The following RNF220 variants were observed in gnomAD, a reference collection of about 807,000 sequenced individuals.
RNF220 encodes the protein E3 ubiquitin-protein ligase RNF220.
Under a neutral mutation model 67.1 loss-of-function variants are expected in RNF220, and 7 were observed. The ratio of observed to expected loss-of-function variants is 0.10; its 90% CI spans 0.06 to 0.20. The LOEUF (loss-of-function observed/expected upper bound fraction) is 0.20. Among genes scored for constraint, RNF220 ranks in the 10% least tolerant of loss-of-function variants. The pLI, the probability that RNF220 is intolerant of heterozygous loss-of-function variation, is 1.00. For synonymous variants in RNF220, 270 were observed against 283.2 expected (o/e 0.95, Z 0.47); for missense variants, 565 against 740.3 (o/e 0.76, Z 2.75).
intron 2 of RNF220, 147 bp from the exon 3 acceptor site, chr1:44,614,018 T>C: frequency 1.1e-6 from 1 of 928,666 alleles, no homozygotes; most frequent in Non-Finnish European, 1.6e-6. Flanking sequence ...GGAGGGGTGC[T>C]CGTGGGCTCT....
chr1:44,449,108 CA>C (rs1320371603), intron 2 of RNF220, among the ~76,000 whole-genome samples: 1 of 152,202 alleles, frequency 6.6e-6, no homozygotes, highest in African/African-American at 2.4e-5. Context: ...AGCATAACCT[CA>C]AAGTTAGGAG....
chr1:44,441,649 A>C lies in RNF220; in HGVS notation c.625+28927A>C, dbSNP rs1381304527. ...AAGAAACATTTGTGGAGAACTGGGG[A>C]GGAAAGAATTGAGGAGCAGCTGGAA... On this transcript the variant is annotated intron_variant, in intron 2 of 14. Transcript: ENST00000361799. 2.0e-5 allele frequency among the ~76,000 whole-genome samples: 3 copies of C among 152,308 alleles called. No homozygotes were observed. The South Asian group carries it at 6.2e-4, about 32-fold the overall frequency.
chr1:44,625,792 G>T (rs1324421853), intron 4 of RNF220, among the ~76,000 whole-genome samples: 2 of 151,928 alleles, frequency 1.3e-5, no homozygotes, highest in Non-Finnish European at 2.9e-5. Context: ...TGGGGTTTTT[G>T]CTGGGGTCAT....
chr1:44,494,637 C>T (rs538211218), intron 2 of RNF220, among the ~76,000 whole-genome samples: 1 of 151,922 alleles, frequency 6.6e-6, no homozygotes, highest in East Asian at 1.9e-4. Flanking sequence ...TAATATGCCT[C>T]CATTTGTGGA....
At chr1:44,442,833 TAAAC>T (rs1285500547) in intron 2 of RNF220, among the ~76,000 whole-genome samples, 1 of 152,116 alleles carries the variant, frequency 6.6e-6, no homozygotes, top group African/African-American at 2.4e-5. Flanking sequence ...TCTTTAAAAA[TAAAC>T]AAAGCCAGAA....
chr1:44,405,432 G>T lies in RNF220; in HGVS notation c.-216G>T. The T allele has an allele frequency of 1.6e-6, 1 of 626,842 alleles. No homozygotes were observed. The highest frequency in any genetic ancestry group is 3.4e-4 in the Middle Eastern group (1 of 2,964). The allele number at this position is 626,842 out of a possible 1,614,324, so 38.8% of individuals were successfully genotyped here. ...GCCGCCGCCGCCGCTGCCTCCGCCG[G>T]CTCTGCGAACCCGGGACTTTTCATG... On this transcript the variant is annotated 5_prime_UTR_variant, in exon 1 of 15. Coordinates refer to ENST00000361799, the MANE Select transcript of RNF220 (RefSeq NM_018150.4).
At chr1:44,477,996 T>C (rs1295230114) in intron 2 of RNF220, among the ~76,000 whole-genome samples, 1 of 152,224 alleles carries the variant, frequency 6.6e-6, no homozygotes, top group Non-Finnish European at 1.5e-5. Context: ...ATTTATTTAT[T>C]GAGACAGGGT....
At chr1:44,505,413 C>T (rs1056305161) in intron 2 of RNF220, among the ~76,000 whole-genome samples, 2 of 152,346 alleles carry the variant, frequency 1.3e-5, no homozygotes, top group Admixed American at 6.5e-5. Context: ...ACGTGGGCTC[C>T]TGAGGGAGAA....
Position 44,586,879 on chromosome 1 carries a change from C to T in RNF220, c.626-27286C>T, listed in dbSNP as rs80184785. On this transcript the variant is annotated intron_variant, in intron 2 of 14. Coordinates refer to ENST00000361799, the MANE Select transcript of RNF220 (RefSeq NM_018150.4). ...GGGAAGATGGAAAATCAAGTGGAGG[C>T]AATGGATATTAAGCTGAAGAGAGAA... Among the ~76,000 whole-genome samples the T allele has an allele frequency of 1.2e-3, 185 of 152,188 alleles. 1 individual carries two copies. The East Asian group carries it at 0.028, about 23-fold the overall frequency.
At chr1:44,564,580 A>C (rs1663836113) in intron 2 of RNF220, among the ~76,000 whole-genome samples, 1 of 151,576 alleles carries the variant, frequency 6.6e-6, no homozygotes, top group Non-Finnish European at 1.5e-5. Flanking sequence ...TGGTGAAAAA[A>C]CCCATCTCTA....
chr1:44,558,977 A>G (rs887409519), intron 2 of RNF220, among the ~76,000 whole-genome samples: 4 of 152,192 alleles, frequency 2.6e-5, no homozygotes, highest in African/African-American at 9.6e-5. Context: ...TGTTTAGGCA[A>G]TTGTTTGTGT....
intron 8 of RNF220, among the ~76,000 whole-genome samples, chr1:44,638,684 T>C (rs1573160338): frequency 6.6e-6 from 1 of 152,058 alleles, no homozygotes; most frequent in African/African-American, 2.4e-5. Context: ...GTGGAGACAC[T>C]TGGCTGAGGG....
At chr1:44,507,347 G>C (rs1658524016) in intron 2 of RNF220, among the ~76,000 whole-genome samples, 1 of 152,120 alleles carries the variant, frequency 6.6e-6, no homozygotes, top group Non-Finnish European at 1.5e-5. Context: ...GAGAGGATTT[G>C]TGTGTCTCTC....
chr1:44,434,340 A>T lies in RNF220; in HGVS notation c.625+21618A>T, dbSNP rs541910424. Among the ~76,000 whole-genome samples, 10 of 152,220 alleles carry T rather than the reference A, an allele frequency of 6.6e-5. No individual in the cohort carries two copies. The East Asian group carries it at 1.9e-3, about 29-fold the overall frequency. On this transcript the variant is annotated intron_variant, in intron 2 of 14. Transcript: ENST00000361799. Reference sequence around the variant, plus strand: ...AATCTTTTAGGCCACGGAGAGTTGGATTTTATTTTGGGTTCATCAGGAAGC... The same window carrying T: ...AATCTTTTAGGCCACGGAGAGTTGGTTTTTATTTTGGGTTCATCAGGAAGC...
At chr1:44,482,003 C>T (rs545319663) in intron 2 of RNF220, among the ~76,000 whole-genome samples, 29 of 152,284 alleles carry the variant, frequency 1.9e-4, no homozygotes, top group South Asian at 1.2e-3. Flanking sequence ...AATGAGCACC[C>T]GCTTTTCCTG....
At chr1:44,462,958 C>T (rs1053780925) in intron 2 of RNF220, among the ~76,000 whole-genome samples, 2 of 151,628 alleles carry the variant, frequency 1.3e-5, no homozygotes, top group Non-Finnish European at 2.9e-5. Context: ...ACCCAGGAGG[C>T]GGAGCTTGCA....
intron 2 of RNF220, among the ~76,000 whole-genome samples, chr1:44,446,748 G>A (rs1006804680): frequency 2.0e-5 from 3 of 151,958 alleles, no homozygotes; most frequent in Admixed American, 6.5e-5. Context: ...TAGTAGAGAC[G>A]GGGTTTCACC....
Position 44,641,578 on chromosome 1 carries a change from G to T in RNF220, c.1127-3120G>T, listed in dbSNP as rs574692132. 5.9e-5 allele frequency among the ~76,000 whole-genome samples: 9 copies of T among 152,326 alleles called. No homozygotes were observed. The South Asian group carries it at 8.3e-4, about 14-fold the overall frequency. ...TGGAGCCTTCCTCTCCAAGCGGGAG[G>T]GGGGGCAAGCTGGCGGGGGCGCTGT... is the stretch of plus-strand genomic sequence containing the variant. On this transcript the variant is annotated intron_variant, in intron 8 of 14. Transcript: ENST00000361799.
At position 44,645,919 on chromosome 1, in the gene RNF220, G is replaced by A. The variant is rs146796788; in HGVS notation, c.1445+431G>A. On this transcript the variant is annotated intron_variant, in intron 12 of 14. Transcript: ENST00000361799. This position sits in a 1 kb window ranked among gnomAD's most constrained non-coding sequence, Gnocchi z 5.0. ...AGGAACATTGGGTATCATCACTTCT[G>A]GTAGGAATTTTTGGCCTGGGTTCTC... 3.4e-4 allele frequency among the ~76,000 whole-genome samples: 52 copies of A among 152,360 alleles called. No homozygotes were observed. Among genetic ancestry groups the A allele is most frequent in the Admixed American group, 2.0e-3 (30 of 15,304 alleles).
Sources: gnomAD v4.1 joint callset for allele counts (sites outside exome capture counted in the v4.1 genomes callset) on GRCh38, gnomAD v4.1.1 for gene constraint, Gnocchi (gnomAD v3.1) non-coding constraint, MANE v1.5 for transcripts, NCBI Gene and HGNC (gene_info 2026-07-23, HGNC 2026-07-21) for gene names.